Variants in GPATCH8 observed in about 807,000 individuals in gnomAD.
GPATCH8 encodes G patch domain-containing protein 8.
Under a neutral mutation model 118.3 loss-of-function variants are expected in GPATCH8, and 18 were observed. The ratio of observed to expected loss-of-function variants is 0.15; its 90% CI spans 0.11 to 0.23. The LOEUF (loss-of-function observed/expected upper bound fraction) is 0.23, where lower values mean the gene tolerates loss of function less well. Among genes scored for constraint, GPATCH8 ranks in the 10% least tolerant of loss-of-function variants. The pLI is 1.00. For missense variants in GPATCH8, 1,631 were observed against 1,873.8 expected (o/e 0.87, Z 2.39); for synonymous variants, 659 against 684.7 (o/e 0.96, Z 0.59).
intron 1 of GPATCH8, among the ~76,000 whole-genome samples, chr17:44,481,814 T>C (rs1456553312): frequency 6.6e-5 from 10 of 152,168 alleles, no homozygotes; most frequent in Admixed American, 6.5e-4. Flanking sequence ...TAAGAATCTA[T>C]AAATGTGTTA....
intron 7 of GPATCH8, among the ~76,000 whole-genome samples, chr17:44,401,893 AC>A (rs1438885399): frequency 6.6e-6 from 1 of 152,092 alleles, no homozygotes; most frequent in Non-Finnish European, 1.5e-5. Context: ...AATCCCAGCT[AC>A]TTGGGAGGCT....
rs575877629 is a variant in GPATCH8, at chr17:44,419,115, G to T, written c.492+5234C>A. On this transcript the variant is annotated intron_variant, in intron 6 of 7. Coordinates refer to ENST00000591680, the MANE Select transcript of GPATCH8 (RefSeq NM_001002909.4). ...GTGACCATATAGCTCCTTTTGGAGAGATTATTTGTGCTTATTAAAGAGAAG... is the reference window on the plus strand; with the variant it reads ...GTGACCATATAGCTCCTTTTGGAGATATTATTTGTGCTTATTAAAGAGAAG... Among the ~76,000 whole-genome samples, 13 of 152,326 alleles carry T rather than the reference G, an allele frequency of 8.5e-5. No individual in the cohort carries two copies. The South Asian group carries it at 2.3e-3, about 27-fold the overall frequency.
intron 2 of GPATCH8, among the ~76,000 whole-genome samples, chr17:44,469,272 T>C (rs747761798): frequency 2.0e-4 from 31 of 152,214 alleles, no homozygotes; most frequent in Admixed American, 1.5e-3. Context: ...AATACTTCAT[T>C]ATTAACTGTT....
At chr17:44,470,918 T>G (rs150292091) in intron 2 of GPATCH8, among the ~76,000 whole-genome samples, 64 of 152,352 alleles carry the variant, frequency 4.2e-4, no homozygotes, top group African/African-American at 1.5e-3. Context: ...AGATCAAGCT[T>G]TGTTTTGTAA....
At chr17:44,426,147 T>A (rs2050082201) in intron 5 of GPATCH8, among the ~76,000 whole-genome samples, 1 of 152,194 alleles carries the variant, frequency 6.6e-6, no homozygotes, top group South Asian at 2.1e-4. Context: ...AAAAGGATCC[T>A]CTGAAATGAA....
At chr17:44,431,378 G>GAAAAAAAAAAAAAAAAAAAAAAAAAAA (rs776468380) in intron 5 of GPATCH8, among the ~76,000 whole-genome samples, 1 of 47,802 alleles carries the variant, frequency 2.1e-5, no homozygotes, top group South Asian at 7.7e-4. Context: ...TCTCAAAAAG[G>GAAAAAAAAAAAAAAAAAAAAAAAAAAA]AAAAAAAAAA....
At chr17:44,466,624 CT>C (rs897974253) in intron 2 of GPATCH8, among the ~76,000 whole-genome samples, 1 of 152,004 alleles carries the variant, frequency 6.6e-6, no homozygotes, top group African/African-American at 2.4e-5. Flanking sequence ...TTATTACCCC[CT>C]AAAACAGAAA....
At position 44,399,961 on chromosome 17, in the gene GPATCH8, C is replaced by T. The variant is rs2048949346; in HGVS notation, c.2116G>A (p.Glu706Lys). 1.2e-6 allele frequency: 2 copies of T among 1,613,962 alleles called. No homozygotes were observed. The highest frequency in any genetic ancestry group is 1.7e-6 in the Non-Finnish European group (2 of 1,180,010). The change falls in exon 8 of 8, where the codon GAG (glutamate) becomes AAG (lysine). Residue 706 changes from glutamate to lysine, a missense_variant. Glu to Lys is a moderately conservative substitution (Grantham distance 56). Transcript: ENST00000591680. Reference sequence around the variant, plus strand: ...CGTTTCTTGCGCTTCTTAGATTTCTCCCCTGACTCTGCCTTAGAGCTTTTC... The same window carrying T: ...CGTTTCTTGCGCTTCTTAGATTTCTTCCCTGACTCTGCCTTAGAGCTTTTC... ...EEKSSKAESG[E>K]KSKKRKKRKR...
At position 44,464,588 on chromosome 17, in the gene GPATCH8, T is replaced by C. The variant is rs769738435; in HGVS notation, c.121-44A>G. On this transcript the variant is annotated intron_variant, in intron 2 of 7. Transcript: ENST00000591680. Reference sequence around the variant, plus strand: ...AGACAAACCAAAAATATTCCAATAATATATTCTTCCCTTCCTAGAGACATT... The same window carrying C: ...AGACAAACCAAAAATATTCCAATAACATATTCTTCCCTTCCTAGAGACATT... 2.4e-5 allele frequency: 26 copies of C among 1,075,628 alleles called. No homozygotes were observed. The South Asian group carries it at 3.1e-4, about 13-fold the overall frequency. 66.6% of individuals were successfully genotyped at this position (1,075,628 alleles called of 1,614,324 possible). A position where few individuals can be genotyped will look rare whatever the true frequency, so the allele number is the denominator to read the frequency against.
intron 3 of GPATCH8, among the ~76,000 whole-genome samples, chr17:44,455,185 T>C (rs2051280415): frequency 6.6e-6 from 1 of 152,190 alleles, no homozygotes; most frequent in South Asian, 2.1e-4. Flanking sequence ...GGTAGCTGTA[T>C]CATCTTTCCA....
chr17:44,429,694 A>ACACACACACAAAAC (rs1195472951), intron 5 of GPATCH8, among the ~76,000 whole-genome samples: 2 of 149,218 alleles, frequency 1.3e-5, no homozygotes, highest in Non-Finnish European at 3.0e-5. Context: ...ACAAAACAAC[A>ACACACACACAAAAC]AACAAACAAA....
intron 3 of GPATCH8, among the ~76,000 whole-genome samples, chr17:44,439,791 T>C (rs1485649970): frequency 1.3e-5 from 2 of 151,860 alleles, no homozygotes. Context: ...AACTTTTTTT[T>C]TTTTTTTTTG....
In GPATCH8 at chr17:44,400,522, C is replaced by A; in HGVS notation, c.1555G>T (p.Ala519Ser). 1 of 1,613,868 alleles carries A rather than the reference C, an allele frequency of 6.2e-7. No homozygotes were observed. The part of the protein sequence containing the change: ...ESNSSKETSL[A>S]TPAGKESQEG... ...TGGCTTTCTTTCCCTGCTGGGGTGG[C>A]CAGAGAGGTTTCTTTAGAAGAGTTG... Residue 519 changes from alanine to serine, a missense_variant, in exon 8 of 8, where the codon GCC becomes TCC. Ala to Ser is a moderately conservative substitution (Grantham distance 99, BLOSUM62 1). Transcript: ENST00000591680.
chr17:44,481,387 G>A (rs12948063), intron 1 of GPATCH8, among the ~76,000 whole-genome samples: 2,779 of 152,188 alleles, frequency 0.018, 89 homozygotes, highest in African/African-American at 0.064. Context: ...ATATTACTTG[G>A]CACTAAAAAG....
At chr17:44,452,992 T>G (rs1250244463) in intron 3 of GPATCH8, among the ~76,000 whole-genome samples, 1 of 152,166 alleles carries the variant, frequency 6.6e-6, no homozygotes, top group Non-Finnish European at 1.5e-5. Flanking sequence ...CACGCCCAGC[T>G]AATTTTTTCT....
At chr17:44,494,171 C>T (rs1203273606) in intron 1 of GPATCH8, among the ~76,000 whole-genome samples, 3 of 152,142 alleles carry the variant, frequency 2.0e-5, no homozygotes, top group African/African-American at 7.2e-5. Flanking sequence ...CCCACTCTAA[C>T]AAGTCTTAAA....
chr17:44,459,861 T>C (rs2051479139), intron 3 of GPATCH8, among the ~76,000 whole-genome samples: 1 of 152,184 alleles, frequency 6.6e-6, no homozygotes, highest in South Asian at 2.1e-4. Flanking sequence ...TCAGTAAATA[T>C]GTGTTGGTTG....
chr17:44,440,034 C>T (rs941952154), intron 3 of GPATCH8, among the ~76,000 whole-genome samples: 4 of 152,152 alleles, frequency 2.6e-5, no homozygotes, highest in Non-Finnish European at 5.9e-5. Context: ...CTGCCCACCT[C>T]GGCCTCCCAA....
At chr17:44,452,268 G>A (rs1346607043) in intron 3 of GPATCH8, among the ~76,000 whole-genome samples, 8 of 101,742 alleles carry the variant, frequency 7.9e-5, no homozygotes, top group South Asian at 3.4e-4. Flanking sequence ...GCAACACTCC[G>A]TCTCAAAAAA....
Sources: gnomAD v4.1 joint callset for allele counts (sites outside exome capture counted in the v4.1 genomes callset) on GRCh38, gnomAD v4.1.1 for gene constraint, MANE v1.5 for transcripts, NCBI Gene and HGNC (gene_info 2026-07-23, HGNC 2026-07-21) for gene names.